NRG1: variants seen among roughly 807,000 people sequenced by gnomAD.
NRG1 encodes neuregulin 1.
NRG1 carries 18 observed loss-of-function variants against 63.8 expected under a neutral mutation model. The observed-to-expected ratio is 0.28, with a 90% CI of 0.19 to 0.42. NRG1 has a LOEUF of 0.42. NRG1 is among the 10% of genes least tolerant of loss of function. The pLI is 1.00. For synonymous variants in NRG1, 302 were observed against 301.3 expected (o/e 1.00, Z -0.02); for missense variants, 762 against 814.7 (o/e 0.94, Z 0.79).
chr8:32,266,809 G>A (rs1424997254), intron 1 of NRG1, among the ~76,000 whole-genome samples: 2 of 151,452 alleles, frequency 1.3e-5, no homozygotes, highest in African/African-American at 2.4e-5. Flanking sequence ...GCTGAGGTGG[G>A]TGGATCATGA....
chr8:32,302,357 T>C (rs1051410908), intron 1 of NRG1, among the ~76,000 whole-genome samples: 1 of 152,176 alleles, frequency 6.6e-6, no homozygotes, highest in African/African-American at 2.4e-5. Context: ...CCCCAGTCTG[T>C]GAGGTGCATA....
chr8:32,278,855 C>T (rs1852389950), intron 1 of NRG1, among the ~76,000 whole-genome samples: 1 of 152,226 alleles, frequency 6.6e-6, no homozygotes, highest in Non-Finnish European at 1.5e-5. Context: ...CACCACTGTG[C>T]AGGTGGCAGC....
intron 1 of NRG1, among the ~76,000 whole-genome samples, chr8:31,928,480 G>A (rs2947404): frequency 0.9 from 136,734 of 152,026 alleles, 62,263 homozygotes; most frequent in African/African-American, 0.97. Context: ...CATTCTATCC[G>A]ACAATCCCAC....
intron 1 of NRG1, among the ~76,000 whole-genome samples, chr8:31,985,529 A>G (rs1192894429): frequency 6.6e-6 from 1 of 152,060 alleles, no homozygotes; most frequent in Non-Finnish European, 1.5e-5. Flanking sequence ...ACAAAAATAT[A>G]AATTACTTTT....
chr8:32,155,369 G>A lies in NRG1; in HGVS notation c.38-440459G>A, dbSNP rs148943632. Among the ~76,000 whole-genome samples, 135 of 152,182 alleles carry A rather than the reference G, an allele frequency of 8.9e-4. 2 individuals carry two copies. The East Asian group carries it at 0.018, about 20-fold the overall frequency. ...CTTCAATTTTCTGCTGACTCAGAGC[G>A]TATAGCCTTGGCCAAGTTATTTACT... On this transcript the variant is annotated intron_variant, in intron 1 of 10. Coordinates refer to the NRG1 transcript ENST00000519301.
chr8:32,687,158 G>A (rs987472450), intron 5 of NRG1, among the ~76,000 whole-genome samples: 8 of 152,138 alleles, frequency 5.3e-5, no homozygotes, highest in African/African-American at 1.9e-4. Context: ...AAGATAATTA[G>A]CAGAGAAAAA....
chr8:32,394,330 T>G (rs1485561404), intron 1 of NRG1, among the ~76,000 whole-genome samples: 1 of 152,190 alleles, frequency 6.6e-6, no homozygotes, highest in Non-Finnish European at 1.5e-5. Context: ...TTATAATTCT[T>G]TCCTGTTATC....
At chr8:32,700,601 A>G (rs1253008652) in intron 5 of NRG1, among the ~76,000 whole-genome samples, 2 of 152,162 alleles carry the variant, frequency 1.3e-5, no homozygotes, top group Non-Finnish European at 2.9e-5. Context: ...GCTTGCCTCC[A>G]CTAGTCGATA....
intron 1 of NRG1, among the ~76,000 whole-genome samples, chr8:32,095,320 C>A (rs1829763177): frequency 6.6e-6 from 1 of 152,070 alleles, no homozygotes; most frequent in Admixed American, 6.6e-5. Context: ...TCATTGACAA[C>A]CTCTCATCAT....
rs184020603 is a variant in NRG1, at chr8:32,540,884, T to A, written c.38-54944T>A. ...AACAACATTTTCCATAAGAATGTAA[T>A]CTTCTGCATGGTTGGTCACCAGTTA... is the stretch of plus-strand genomic sequence containing the variant. On this transcript the variant is annotated intron_variant, in intron 1 of 10. Transcript: ENST00000519301. Among the ~76,000 whole-genome samples, 6 of 145,842 alleles carry A rather than the reference T, an allele frequency of 4.1e-5. No individual in the cohort carries two copies. The East Asian group carries it at 1.2e-3, about 29-fold the overall frequency.
chr8:32,510,789 C>T (rs1445089181), intron 1 of NRG1, among the ~76,000 whole-genome samples: 1 of 152,056 alleles, frequency 6.6e-6, no homozygotes, highest in African/African-American at 2.4e-5. Flanking sequence ...ATGGCTCCAC[C>T]CTCTCTAGTC....
chr8:31,730,319 C>A (rs1233817706), intron 1 of NRG1, among the ~76,000 whole-genome samples: 1 of 152,004 alleles, frequency 6.6e-6, no homozygotes, highest in East Asian at 1.9e-4. Context: ...GCGTGTGGAC[C>A]CATATGCCTT....
At chr8:32,285,000 C>T (rs1254965812) in intron 1 of NRG1, among the ~76,000 whole-genome samples, 1 of 152,202 alleles carries the variant, frequency 6.6e-6, no homozygotes, top group Admixed American at 6.5e-5. Flanking sequence ...AGCACTTCCA[C>T]AAATAGCCCA....
chr8:32,422,724 A>T (rs767015280), intron 1 of NRG1, among the ~76,000 whole-genome samples: 2 of 152,168 alleles, frequency 1.3e-5, no homozygotes, highest in South Asian at 4.1e-4. Flanking sequence ...GGTATTGTCA[A>T]TTTTTTGGCT....
In NRG1 at chr8:31,809,738, ATTG is replaced by A. The variant is rs1400561093; in HGVS notation, c.37+170310_37+170312del. On this transcript the variant is annotated intron_variant, in intron 1 of 10. Transcript: ENST00000519301. ...AGATTTTTTTCTACTCCTTCTATTA[ATTG>A]TTTTTTTTTTTTTTTTTTTTTGAGA... Among the ~76,000 whole-genome samples the A allele has an allele frequency of 9.6e-5, 8 of 83,034 alleles. 1 individual carries two copies. Among genetic ancestry groups the A allele is most frequent in the African/African-American group, 3.5e-4 (8 of 23,142 alleles). 54.5% of individuals were successfully genotyped at this position (83,034 alleles called of 152,430 possible).
intron 1 of NRG1, among the ~76,000 whole-genome samples, chr8:31,726,422 A>G (rs906105719): frequency 2.6e-5 from 4 of 152,136 alleles, no homozygotes; most frequent in African/African-American, 9.7e-5. Flanking sequence ...AGTAATAAAA[A>G]CTATCTAAGG....
At position 32,512,580 on chromosome 8, in the gene NRG1, G is replaced by T. The variant is rs775837583; in HGVS notation, c.38-83248G>T. 3.9e-5 allele frequency among the ~76,000 whole-genome samples: 6 copies of T among 152,120 alleles called. No homozygotes were observed. The South Asian group carries it at 1.2e-3, about 32-fold the overall frequency. ...TTACCCTACATAACAACCTTATATG[G>T]TAAGTATCTTTTCCTAGTGCCTTTT... On this transcript the variant is annotated intron_variant, in intron 1 of 10. Transcript: ENST00000519301.
intron 1 of NRG1, among the ~76,000 whole-genome samples, chr8:31,671,744 T>C (rs1300593055): frequency 2.0e-5 from 3 of 151,990 alleles, no homozygotes; most frequent in Admixed American, 2.0e-4. Context: ...ATAAGTAAGA[T>C]TTAGGAGAGG....
At chr8:32,530,183 C>A (rs899047516) in intron 1 of NRG1, among the ~76,000 whole-genome samples, 2 of 151,972 alleles carry the variant, frequency 1.3e-5, no homozygotes, top group Non-Finnish European at 2.9e-5. Context: ...TCTCGGCTCA[C>A]TGCAAGGTCC....
Sources: allele counts gnomAD v4.1 joint callset (sites outside exome capture counted in the v4.1 genomes callset), GRCh38; gene constraint gnomAD v4.1.1; transcripts MANE v1.5; gene names NCBI Gene and HGNC (gene_info 2026-07-23, HGNC 2026-07-21).